Variants in CLASP1 observed in about 807,000 individuals in gnomAD.
CLASP1 encodes CLIP-associating protein 1.
Under a neutral mutation model 192.3 loss-of-function variants are expected in CLASP1, and 38 were observed. That is an observed-to-expected ratio of 0.20 (90% CI 0.15 to 0.26). The LOEUF (loss-of-function observed/expected upper bound fraction) is 0.26, where lower values mean the gene tolerates loss of function less well. Ranked by LOEUF, CLASP1 falls within the 10% of genes least tolerant of loss-of-function variation. CLASP1 has a pLI of 1.00. For synonymous variants in CLASP1, 691 were observed against 712.8 expected, an observed-to-expected ratio of 0.97 and a Z score of 0.49; for missense variants, 1,433 against 1,932.5, an observed-to-expected ratio of 0.74 and a Z score of 4.85.
chr2:121,520,616 A>G (rs540794079), intron 6 of CLASP1, among the ~76,000 whole-genome samples: 1 of 152,272 alleles, frequency 6.6e-6, no homozygotes, highest in African/African-American at 2.4e-5. Context: ...CAAGAGGGCC[A>G]GCAGTCAGCA....
At chr2:121,581,893 A>T (rs1464160279) in intron 2 of CLASP1, among the ~76,000 whole-genome samples, 1 of 152,074 alleles carries the variant, frequency 6.6e-6, no homozygotes, top group Non-Finnish European at 1.5e-5. Flanking sequence ...TCAAAAAAGA[A>T]AAGAAAAGTC....
At chr2:121,346,484 G>T (rs373728058) in intron 39 of CLASP1, among the ~76,000 whole-genome samples, 1 of 152,234 alleles carries the variant, frequency 6.6e-6, no homozygotes, top group Non-Finnish European at 1.5e-5. Context: ...CACCCTTAAA[G>T]GAACATTAGA....
intron 8 of CLASP1, among the ~76,000 whole-genome samples, chr2:121,478,792 AC>A (rs1559367236): frequency 1.4e-3 from 33 of 23,436 alleles, no homozygotes; most frequent in African/African-American, 5.0e-3. Context: ...CCCCACACAC[AC>A]CACACACCAC....
intron 1 of CLASP1, among the ~76,000 whole-genome samples, chr2:121,636,310 T>G (rs768494141): frequency 6.7e-6 from 1 of 149,530 alleles, no homozygotes. Flanking sequence ...CACTCCAACC[T>G]GGGTGACAGA....
At chr2:121,355,950 T>C (rs1042112134) in intron 37 of CLASP1, among the ~76,000 whole-genome samples, 2 of 152,240 alleles carry the variant, frequency 1.3e-5, no homozygotes, top group African/African-American at 2.4e-5. Context: ...AGTGAAGTAA[T>C]AGTGTCTAGC....
At chr2:121,443,713 C>T (rs762377546) in intron 19 of CLASP1, among the ~76,000 whole-genome samples, 1 of 152,140 alleles carries the variant, frequency 6.6e-6, no homozygotes, top group Non-Finnish European at 1.5e-5. Context: ...TTCTCTAGTT[C>T]CTTCCAAACT....
chr2:121,533,623 C>T (rs915532224), intron 2 of CLASP1, among the ~76,000 whole-genome samples: 2 of 152,136 alleles, frequency 1.3e-5, no homozygotes, highest in African/African-American at 4.8e-5. Context: ...TGAGGTGTTA[C>T]CTGATTCTAA....
chr2:121,640,324 C>G (rs947949841), intron 1 of CLASP1, among the ~76,000 whole-genome samples: 24 of 152,096 alleles, frequency 1.6e-4, no homozygotes, highest in African/African-American at 5.8e-4. Context: ...AACTATGTAA[C>G]GAGCCTGCAC....
rs576749536 is a variant in CLASP1, at chr2:121,423,908, T to TC, written c.2212+1230dup. Among the ~76,000 whole-genome samples the TC allele has an allele frequency of 1.7e-3, 259 of 152,340 alleles. 2 individuals are homozygous for TC. The highest frequency in any genetic ancestry group is 5.9e-3 in the African/African-American group (247 of 41,576). ...TAGCTAAGGTGGGCTTCAAAGACTT[T>TC]CATGAGCTGGACTCTACCAGTCTCT... On this transcript the variant is annotated intron_variant, in intron 22 of 39. Coordinates refer to ENST00000263710, the Ensembl canonical transcript of CLASP1.
At chr2:121,568,014 A>G (rs2059654765) in intron 2 of CLASP1, among the ~76,000 whole-genome samples, 1 of 152,240 alleles carries the variant, frequency 6.6e-6, no homozygotes, top group African/African-American at 2.4e-5. Flanking sequence ...AATCAAAAAC[A>G]GAGAAAGATC....
At chr2:121,518,231 CAAAA>C (rs35409200) in intron 6 of CLASP1, among the ~76,000 whole-genome samples, 226 of 49,572 alleles carry the variant, frequency 4.6e-3, no homozygotes, top group Non-Finnish European at 7.5e-3. Flanking sequence ...ACCCCCGTCT[CAAAA>C]AAAAAAAAAA....
At chr2:121,540,051 T>G (rs772055745) in intron 2 of CLASP1, among the ~76,000 whole-genome samples, 48 of 152,224 alleles carry the variant, frequency 3.2e-4, no homozygotes, top group Non-Finnish European at 5.9e-4. Flanking sequence ...ATATTGGCAT[T>G]AGCTAACAAA....
chr2:121,553,883 T>C (rs1006848470), intron 2 of CLASP1, among the ~76,000 whole-genome samples: 1 of 152,060 alleles, frequency 6.6e-6, no homozygotes, highest in East Asian at 1.9e-4. Context: ...AAATTATGAA[T>C]GGATAAACAA....
chr2:121,406,546 A>T (rs1171165472), intron 25 of CLASP1, among the ~76,000 whole-genome samples: 2 of 152,220 alleles, frequency 1.3e-5, no homozygotes, highest in African/African-American at 4.8e-5. Context: ...TCTACTGGAC[A>T]AATATCAAAC....
At chr2:121,483,787 T>C (rs566337838) in intron 8 of CLASP1, among the ~76,000 whole-genome samples, 3 of 152,334 alleles carry the variant, frequency 2.0e-5, no homozygotes, top group Admixed American at 2.0e-4. Flanking sequence ...CTTAAAACAA[T>C]AGCAATCTAG....
At chr2:121,400,105 G>T (rs1173986094) in intron 28 of CLASP1, among the ~76,000 whole-genome samples, 1 of 152,158 alleles carries the variant, frequency 6.6e-6, no homozygotes. Flanking sequence ...TGGTATAATG[G>T]TGTACTGTAA....
At chr2:121,579,445 C>T (rs2060900051) in intron 2 of CLASP1, among the ~76,000 whole-genome samples, 1 of 152,212 alleles carries the variant, frequency 6.6e-6, no homozygotes, top group South Asian at 2.1e-4. Context: ...TCTTCATCAT[C>T]TCAAAAGAAA....
At chr2:121,398,484 G>GT (rs1421645532) in intron 28 of CLASP1, 84 bp from the exon 30 acceptor site, 1 of 906,032 alleles carries the variant, frequency 1.1e-6, no homozygotes, top group African/African-American at 1.7e-5. Flanking sequence ...GCATACCATT[G>GT]TAAGTTAATG....
intron 6 of CLASP1, among the ~76,000 whole-genome samples, chr2:121,518,255 AAGG>A (rs1393777922): frequency 2.7e-5 from 4 of 150,000 alleles, no homozygotes; most frequent in Admixed American, 6.6e-5. Context: ...AAAAAAAAAA[AAGG>A]AGGCAATTAA....
Sources: allele counts gnomAD v4.1 joint callset (sites outside exome capture counted in the v4.1 genomes callset), GRCh38; gene constraint gnomAD v4.1.1; transcripts MANE v1.5; gene names NCBI Gene and HGNC (gene_info 2026-07-23, HGNC 2026-07-21).